The following ZNF749 variants were observed in gnomAD, a reference collection of about 807,000 sequenced individuals.
The protein encoded by ZNF749 is zinc finger protein 749.
ZNF749 carries 8 observed loss-of-function variants against 7.3 expected under a neutral mutation model. The ratio of observed to expected loss-of-function variants is 1.10; its 90% CI spans 0.64 to 1.98. The LOEUF (loss-of-function observed/expected upper bound fraction) is 1.98, where lower values mean the gene tolerates loss of function less well. ZNF749 is among the 30% of genes most tolerant of loss of function. The pLI, the probability that ZNF749 is intolerant of heterozygous loss-of-function variation, is 0.00. For missense variants in ZNF749, 898 were observed against 932.4 expected, an observed-to-expected ratio of 0.96 and a Z score of 0.48; for synonymous variants, 310 against 322.4, an observed-to-expected ratio of 0.96 and a Z score of 0.41.
Position 57,443,712 on chromosome 19 carries a change from C to A in ZNF749, c.564C>A (p.Ala188=), listed in dbSNP as rs762272525. The part of the protein sequence containing the change: ...KLYRDTQDGE[A]FQGEQNDFNS... ...ACAGGGATACCCAGGATGGGGAAGC[C>A]TTTCAAGGTGAACAGAATGATTTCA... Residue 188 remains alanine, a synonymous_variant, in exon 3 of 3, where the codon GCC becomes GCA. Coordinates refer to ENST00000334181, the MANE Select transcript of ZNF749 (RefSeq NM_001023561.4). 1 of 1,613,906 alleles carries A rather than the reference C, an allele frequency of 6.2e-7. No individual in the cohort carries two copies. The highest frequency in any genetic ancestry group is 8.5e-7 in the Non-Finnish European group (1 of 1,179,950).
chr19:57,429,264 G>C, the ZNF749 span, among the ~76,000 whole-genome samples: 1 of 152,160 alleles, frequency 6.6e-6, no homozygotes, highest in African/African-American at 2.4e-5. The surrounding 1 kb of genome is among the most constrained non-coding windows in gnomAD (Gnocchi z 4.2). Context: ...GACCTCAGGT[G>C]ATCTGCCTGC....
rs761163662 is a variant in ZNF749 at position 57,445,382 on chromosome 19, A to T, written c.2234A>T (p.His745Leu). The T allele has an allele frequency of 6.2e-7, 1 of 1,613,870 alleles. No homozygotes were observed. The highest frequency in any genetic ancestry group is 1.1e-5 in the South Asian group (1 of 91,092). Residue 745 changes from histidine (H) to leucine (L), a missense_variant, in exon 3 of 3, where the codon CAC (histidine) becomes CTC (leucine). Coordinates refer to ENST00000334181, the MANE Select transcript of ZNF749 (RefSeq NM_001023561.4). ...AATACTGGTCAGCGCCAAAAAACTC[A>T]CACTGGAGAAAGGTCTTATGAGTGT... Reference protein sequence around the residue: ...KCNTGQRQKTHTGERSYECGE... With the variant: ...KCNTGQRQKTLTGERSYECGE...
rs766801139 is a variant in ZNF749 at position 57,435,532 on chromosome 19, C to T, written c.-47C>T. ...CCTCCGTCAGCGTCCAGGTGACCGC[C>T]GTTCCCGCCCCGCTCTTCCCTGGGT... On this transcript the variant is annotated 5_prime_UTR_variant, in exon 1 of 3. Coordinates refer to ENST00000334181, the MANE Select transcript of ZNF749 (RefSeq NM_001023561.4). The T allele has an allele frequency of 3.8e-6, 6 of 1,585,848 alleles. No homozygotes were observed. In the African/African-American group the frequency reaches 5.4e-5, roughly 14 times the overall value.
At chr19:57,435,680 T>C in intron 1 of ZNF749, 87 bp downstream of exon 1, 1 of 1,541,818 alleles carries the variant, frequency 6.5e-7, no homozygotes, top group Non-Finnish European at 8.8e-7. Flanking sequence ...TAGGCCCTTG[T>C]GTCTCTAAGA....
Position 57,442,078 on chromosome 19 carries a change from A to G in ZNF749, c.142+67A>G. 4 of 1,576,054 alleles carry G rather than the reference A, an allele frequency of 2.5e-6. 1 individual carries two copies. In the South Asian group the frequency reaches 3.5e-5, roughly 14 times the overall value. ...TGTTTTTTTGCTCTTTTCCATGACA[A>G]CTCTGTCTTTCCCACACCAGATTGT... On this transcript the variant is annotated intron_variant, in intron 2 of 2. Transcript: ENST00000334181. This position sits in a 1 kb window ranked among gnomAD's most constrained non-coding sequence, Gnocchi z 6.6.
upstream of ZNF749, among the ~76,000 whole-genome samples, chr19:57,433,085 C>T (rs1025083341): frequency 6.7e-6 from 1 of 149,498 alleles, no homozygotes; most frequent in African/African-American, 2.5e-5. Context: ...TTAGGTATGC[C>T]ATGACTGGAG....
chr19:57,443,989 A>G lies in ZNF749; in HGVS notation c.841A>G (p.Lys281Glu). 1 of 1,613,974 alleles carries G rather than the reference A, an allele frequency of 6.2e-7. No individual in the cohort carries two copies. The highest frequency in any genetic ancestry group is 8.5e-7 in the Non-Finnish European group (1 of 1,179,908). The change falls in exon 3 of 3, where the codon AAA becomes GAA. Residue 281 changes from lysine to glutamate, a missense_variant. Physicochemically the swap from Lys to Glu is moderately conservative, Grantham distance 56. Coordinates refer to ENST00000334181, the MANE Select transcript of ZNF749 (RefSeq NM_001023561.4). Reference protein sequence around the residue: ...QKIHSEGFLSKRSDPIEHQEI... With the variant: ...QKIHSEGFLSERSDPIEHQEI... Reference sequence around the variant, plus strand: ...AATTCACAGTGAAGGCTTTCTTTCAAAAAGGTCTGACCCCATTGAACATCA... The same window carrying G: ...AATTCACAGTGAAGGCTTTCTTTCAGAAAGGTCTGACCCCATTGAACATCA...
the ZNF749 span, among the ~76,000 whole-genome samples, chr19:57,429,584 C>T: frequency 6.6e-6 from 1 of 152,146 alleles, no homozygotes. The surrounding 1 kb of genome is among the most constrained non-coding windows in gnomAD (Gnocchi z 4.2). Flanking sequence ...CTCAAGAGAT[C>T]CTCCTGCCTC....
chr19:57,444,338 T>G lies in ZNF749; in HGVS notation c.1190T>G (p.Leu397Arg). Residue 397 changes from leucine to arginine, a missense_variant, in exon 3 of 3, where the codon CTC becomes CGC. Transcript: ENST00000334181. ...AAATTCTTTAGTCACCGCTCCACAC[T>G]CAATATGCACCAGAGAGTTCATGCT... ...CGKFFSHRST[L>R]NMHQRVHAGK... 1 of 1,614,142 alleles carries G rather than the reference T, an allele frequency of 6.2e-7. No individual in the cohort carries two copies. The highest frequency in any genetic ancestry group is 8.5e-7 in the Non-Finnish European group (1 of 1,180,012).
Position 57,445,847 on chromosome 19 carries a change from T to C in ZNF749, c.*362T>C, listed in dbSNP as rs1259359605. 6.6e-6 allele frequency among the ~76,000 whole-genome samples: 1 copy of C among 152,164 alleles called. No individual in the cohort carries two copies. The highest frequency in any genetic ancestry group is 2.4e-5 in the African/African-American group (1 of 41,436). On this transcript the variant is annotated 3_prime_UTR_variant, in exon 3 of 3. Coordinates refer to ENST00000334181, the MANE Select transcript of ZNF749 (RefSeq NM_001023561.4). Reference sequence around the variant, plus strand: ...AGGGGACTGAGGCAGGGAGCATCACTTGAACCTGGGAGGCGGAGGTTGCAG... The same window carrying C: ...AGGGGACTGAGGCAGGGAGCATCACCTGAACCTGGGAGGCGGAGGTTGCAG...
intron 2 of ZNF749, among the ~76,000 whole-genome samples, chr19:57,443,072 G>A (rs1210629642): frequency 2.0e-5 from 3 of 152,150 alleles, no homozygotes; most frequent in African/African-American, 7.2e-5. Context: ...CTCCCTGCAT[G>A]GTACTTCTCC....
upstream of ZNF749, among the ~76,000 whole-genome samples, chr19:57,433,349 T>C (rs2088908661): frequency 6.6e-6 from 1 of 152,312 alleles, no homozygotes; most frequent in Non-Finnish European, 1.5e-5. Flanking sequence ...CATAGTATTC[T>C]GACTTGGGAG....
chr19:57,445,283 T>C lies in ZNF749; in HGVS notation c.2135T>C (p.Ile712Thr), dbSNP rs1193890316. 2.5e-6 allele frequency: 4 copies of C among 1,613,812 alleles called. No homozygotes were observed. Among genetic ancestry groups the C allele is most frequent in the South Asian group, 1.1e-5 (1 of 91,076 alleles). The change falls in exon 3 of 3, where the codon ATT (isoleucine) becomes ACT (threonine). Residue 712 changes from isoleucine (I) to threonine (T), a missense_variant. Physicochemically the swap from Ile to Thr is moderately conservative, Grantham distance 89 (BLOSUM62 -1). Transcript: ENST00000334181. The part of the protein sequence containing the change: ...RELFRTKSSL[I>T]IHQQSHTGES... The stretch of plus-strand genomic sequence containing the variant: ...TTGTTTAGGACTAAATCGAGCCTTA[T>C]TATACATCAGCAGTCTCACACTGGA...
rs1253828045 is a variant in ZNF749 at position 57,444,856 on chromosome 19, C to T, written c.1708C>T (p.His570Tyr). 7.4e-6 allele frequency: 12 copies of T among 1,614,022 alleles called. No homozygotes were observed. Among genetic ancestry groups the T allele is most frequent in the African/African-American group, 5.3e-5 (4 of 74,922 alleles). Reference sequence around the variant, plus strand: ...TGGGAAGGCCTTCCTTACACAGGCTCATCTAGATGGTCACCAGAAAATCCA... The same window carrying T: ...TGGGAAGGCCTTCCTTACACAGGCTTATCTAGATGGTCACCAGAAAATCCA... ...ECGKAFLTQAHLDGHQKIQTG... is the reference protein window; with the variant it reads ...ECGKAFLTQAYLDGHQKIQTG... The change falls in exon 3 of 3, where the codon CAT becomes TAT. Residue 570 changes from histidine to tyrosine, a missense_variant. His to Tyr is a moderately conservative substitution (Grantham distance 83). Coordinates refer to ENST00000334181, the MANE Select transcript of ZNF749 (RefSeq NM_001023561.4).
rs1375788529 is a variant in ZNF749, at chr19:57,444,602, G to T, written c.1454G>T (p.Cys485Phe). ...GACATTAGGCCAAGGCCTTATACAT[G>T]CAGTGAATGTGGGAAGGCCTTCCTT... Reference protein sequence around the residue: ...RIDIRPRPYTCSECGKAFLTQ... With the variant: ...RIDIRPRPYTFSECGKAFLTQ... Residue 485 changes from cysteine to phenylalanine, a missense_variant, in exon 3 of 3, where the codon TGC (cysteine) becomes TTC (phenylalanine). Transcript: ENST00000334181. 1.9e-6 allele frequency: 3 copies of T among 1,613,512 alleles called. No individual in the cohort carries two copies. The highest frequency in any genetic ancestry group is 2.7e-5 in the African/African-American group (2 of 74,722).
At position 57,444,629 on chromosome 19, in the gene ZNF749, C is replaced by A; in HGVS notation, c.1481C>A (p.Thr494Lys). The change falls in exon 3 of 3, where the codon ACA becomes AAA. Residue 494 changes from threonine (T) to lysine (K), a missense_variant. Transcript: ENST00000334181. The part of the protein sequence containing the change: ...TCSECGKAFL[T>K]QAHLVGHQKI... ...AGTGAATGTGGGAAGGCCTTCCTTA[C>A]ACAGGCTCATCTGGTTGGTCACCAG... The A allele has an allele frequency of 6.2e-7, 1 of 1,613,000 alleles. No homozygotes were observed. The highest frequency in any genetic ancestry group is 8.5e-7 in the Non-Finnish European group (1 of 1,179,760).
chr19:57,436,774 T>C lies in ZNF749; in HGVS notation c.15+1181T>C, dbSNP rs1480350874. Among the ~76,000 whole-genome samples, 2 of 152,246 alleles carry C rather than the reference T, an allele frequency of 1.3e-5. No individual in the cohort carries two copies. Among genetic ancestry groups the C allele is most frequent in the East Asian group, 1.9e-4 (1 of 5,196 alleles). On this transcript the variant is annotated intron_variant, in intron 1 of 2. Coordinates refer to ENST00000334181, the MANE Select transcript of ZNF749 (RefSeq NM_001023561.4). The surrounding 1 kb of genome is among the most constrained non-coding windows in gnomAD (Gnocchi z 4.0). ...GTTTGCTGAACGGACCAGTAACTGA[T>C]TGACTGCTCAGCCCCATCCTACAAC...
chr19:57,445,187 G>A lies in ZNF749; in HGVS notation c.2039G>A (p.Arg680His), dbSNP rs146382363. The A allele has an allele frequency of 2.4e-4, 386 of 1,613,954 alleles. No individual in the cohort carries two copies. The highest frequency in any genetic ancestry group is 3.0e-4 in the Non-Finnish European group (358 of 1,179,970). Residue 680 changes from arginine (R) to histidine (H), a missense_variant, in exon 3 of 3, where the codon CGC becomes CAC. Coordinates refer to ENST00000334181, the MANE Select transcript of ZNF749 (RefSeq NM_001023561.4). ...AACTGTGGGAAGTTTCTTAGATACC[G>A]CTCTACATTCATTAAACATCATAAA... ...CSNCGKFLRYRSTFIKHHKVC... is the reference protein window; with the variant it reads ...CSNCGKFLRYHSTFIKHHKVC...
rs776923926 is a variant in ZNF749, at chr19:57,444,375, T to A, written c.1227T>A (p.Leu409=). Residue 409 remains leucine (L), a synonymous_variant, in exon 3 of 3, where the codon CTT becomes CTA. Transcript: ENST00000334181. The part of the protein sequence containing the change: ...MHQRVHAGKR[L]YKCSECGKAF... ...AGAGAGTTCATGCTGGCAAAAGGCT[T>A]TATAAGTGTAGCGAATGTGGGAAAG... 7 of 1,614,108 alleles carry A rather than the reference T, an allele frequency of 4.3e-6. No homozygotes were observed. Among genetic ancestry groups the A allele is most frequent in the Non-Finnish European group, 5.9e-6 (7 of 1,179,980 alleles).
Sources: gnomAD v4.1 joint callset for allele counts (sites outside exome capture counted in the v4.1 genomes callset) on GRCh38, gnomAD v4.1.1 for gene constraint, Gnocchi (gnomAD v3.1) non-coding constraint, MANE v1.5 for transcripts, NCBI Gene and HGNC (gene_info 2026-07-23, HGNC 2026-07-21) for gene names.